The following JAG2 variants were observed in gnomAD, a reference collection of about 807,000 sequenced individuals.
JAG2 encodes jagged canonical Notch ligand 2.
A neutral mutation model predicts 141.7 loss-of-function variants in JAG2; 46 were observed. The observed-to-expected ratio is 0.32, with a 90% confidence interval of 0.26 to 0.42. The LOEUF is 0.42. Ranked by LOEUF, JAG2 falls within the 10% of genes least tolerant of loss-of-function variation. JAG2 has a pLI of 1.00. For missense variants in JAG2, 1,500 were observed against 1,817.5 expected, an observed-to-expected ratio of 0.83 and a Z score of 3.18; for synonymous variants, 862 against 763.5, an observed-to-expected ratio of 1.13 and a Z score of -2.13.
chr14:105,162,544 G>C (rs1888780088), intron 2 of JAG2, among the ~76,000 whole-genome samples: 1 of 151,642 alleles, frequency 6.6e-6, no homozygotes, highest in Non-Finnish European at 1.5e-5. Flanking sequence ...GGCACTGCAT[G>C]GCCCAGCATA....
chr14:105,164,761 G>A (rs1888860365), intron 2 of JAG2, among the ~76,000 whole-genome samples: 1 of 152,130 alleles, frequency 6.6e-6, no homozygotes, highest in Non-Finnish European at 1.5e-5. Context: ...GAGCCGGGCT[G>A]GGGGCACAAG....
chr14:105,159,619 C>G (rs1274242736), intron 2 of JAG2, among the ~76,000 whole-genome samples: 1 of 121,382 alleles, frequency 8.2e-6, no homozygotes, highest in Non-Finnish European at 1.7e-5. Context: ...CCCCAAAGAA[C>G]TCAATCCACA....
rs1243678677 is a variant in JAG2, at chr14:105,155,941, T to G, written c.524A>C (p.Glu175Ala). The G allele has an allele frequency of 6.2e-7, 1 of 1,610,710 alleles. No homozygotes were observed. The highest frequency in any genetic ancestry group is 8.5e-7 in the Non-Finnish European group (1 of 1,179,738). ...GAAGTGCAGGCTCTTCCAGCGGTCC[T>G]CCGGGTTGATCATGCCGGCATGCGA... is the stretch of plus-strand genomic sequence containing the variant. ...RVSHAGMINP[E>A]DRWKSLHFSG... The change falls in exon 4 of 26, where the codon GAG becomes GCG. Residue 175 changes from glutamate to alanine, a missense_variant. Around this residue, in one of 3 missense-constraint regions of JAG2, gnomAD observed 875 missense variants for 1,202.2 expected, o/e 0.73. Coordinates refer to ENST00000331782, the MANE Select transcript of JAG2 (RefSeq NM_002226.5).
At position 105,143,647 on chromosome 14, in the gene JAG2, A is replaced by G. The variant is rs761419223; in HGVS notation, c.3085-9T>C. 3.7e-5 allele frequency: 59 copies of G among 1,606,070 alleles called. 1 individual carries two copies. Among genetic ancestry groups the G allele is most frequent in the Middle Eastern group, 3.7e-4 (2 of 5,450 alleles). On this transcript the variant is annotated splice_polypyrimidine_tract_variant and intron_variant, in intron 24 of 25. Coordinates refer to ENST00000331782, the MANE Select transcript of JAG2 (RefSeq NM_002226.5). ...CTGGCAGGGCTGAAGGACTGCGGCA[A>G]AGAACGGCATTGTGGGGATGGCTCG...
At chr14:105,152,096 C>T (rs587744023) in intron 6 of JAG2, 39 bp from the exon 7 acceptor site, 2 of 1,613,086 alleles carry the variant, frequency 1.2e-6, no homozygotes, top group East Asian at 2.2e-5. Flanking sequence ...AAAAGCCGGC[C>T]CCCCGCTCCC....
intron 3 of JAG2, 108 bp downstream of exon 3, chr14:105,157,598 A>G (rs1888618438): frequency 9.2e-7 from 1 of 1,086,102 alleles, no homozygotes; most frequent in African/African-American, 1.6e-5. Flanking sequence ...AGCACACATG[A>G]TCCTCAGGGT....
Position 105,168,339 on chromosome 14 carries a change from C to T in JAG2, c.66+16G>A. The T allele has an allele frequency of 1.1e-6, 1 of 893,844 alleles. No homozygotes were observed. The highest frequency in any genetic ancestry group is 1.4e-6 in the Non-Finnish European group (1 of 726,418). 55.4% of individuals were successfully genotyped at this position (893,844 alleles called of 1,614,324 possible). On this transcript the variant is annotated intron_variant, in intron 1 of 25. Transcript: ENST00000331782. ...GCCCCGTCCGCGACCCCCGCCGCCC[C>T]CGCCGCCCCGCTCACCTGCACCCAG...
chr14:105,143,942 G>A (rs1024142768), intron 24 of JAG2, among the ~76,000 whole-genome samples: 6 of 149,752 alleles, frequency 4.0e-5, no homozygotes, highest in African/African-American at 9.9e-5. Flanking sequence ...GTCCCCATCC[G>A]GGCGCACGGG....
intron 2 of JAG2, among the ~76,000 whole-genome samples, chr14:105,158,557 C>T (rs1007232824): frequency 6.6e-6 from 1 of 152,144 alleles, no homozygotes; most frequent in Non-Finnish European, 1.5e-5. Flanking sequence ...TGGCCCCCTG[C>T]TCCGCCTAGT....
chr14:105,166,784 G>A (rs1481250978), intron 2 of JAG2, among the ~76,000 whole-genome samples: 1 of 152,186 alleles, frequency 6.6e-6, no homozygotes, highest in African/African-American at 2.4e-5. Context: ...CTGCTGACTG[G>A]AGCCACTTCC....
In JAG2 at chr14:105,168,689, G is replaced by C. The variant is rs1312106640; in HGVS notation, c.-269C>G. 6.5e-6 allele frequency: 1 copy of C among 154,036 alleles called. No homozygotes were observed. Among genetic ancestry groups the C allele is most frequent in the Non-Finnish European group, 1.4e-5 (1 of 70,876 alleles). 9.5% of individuals were successfully genotyped at this position (154,036 alleles called of 1,614,324 possible). Reference sequence around the variant, plus strand: ...GGCCCGGCTCCCACCCGGCGGCGACGGCGGCGGCGGTGAAGGCAGCGGGTC... The same window carrying C: ...GGCCCGGCTCCCACCCGGCGGCGACCGCGGCGGCGGTGAAGGCAGCGGGTC... On this transcript the variant is annotated 5_prime_UTR_variant, in exon 1 of 26. Transcript: ENST00000331782.
In JAG2 at chr14:105,154,422, A is replaced by T. The variant is rs1888522428; in HGVS notation, c.788+1140T>A. On this transcript the variant is annotated intron_variant, in intron 5 of 25. Coordinates refer to ENST00000331782, the MANE Select transcript of JAG2 (RefSeq NM_002226.5). The surrounding 1 kb of genome is among the most constrained non-coding windows in gnomAD (Gnocchi z 4.4). ...GCGCCACGGCTCGAAGCCCGTGCCC[A>T]CCCCAGACCCTGGGCCCCAGCCCCT... is the stretch of plus-strand genomic sequence containing the variant. Among the ~76,000 whole-genome samples, 1 of 150,952 alleles carries T rather than the reference A, an allele frequency of 6.6e-6. No homozygotes were observed. The highest frequency in any genetic ancestry group is 2.4e-5 in the African/African-American group (1 of 40,918).
Position 105,151,090 on chromosome 14 carries a change from C to T in JAG2, c.1282G>A (p.Glu428Lys). Reference sequence around the variant, plus strand: ...AAAGCGTTAAGGCATGGCTTCCCTTCACACTCATTGGCGTCTGTGAAAGAG... The same window carrying T: ...AAAGCGTTAAGGCATGGCTTCCCTTTACACTCATTGGCGTCTGTGAAAGAG... ...ATCQLDANEC[E>K]GKPCLNAFSC... is the part of the protein sequence containing the mutation. Residue 428 changes from glutamate to lysine, a missense_variant, in exon 10 of 26, where the codon GAA (glutamate) becomes AAA (lysine). Transcript: ENST00000331782. 1 of 1,611,894 alleles carries T rather than the reference C, an allele frequency of 6.2e-7. No homozygotes were observed. Among genetic ancestry groups the T allele is most frequent in the Non-Finnish European group, 8.5e-7 (1 of 1,179,330 alleles).
chr14:105,165,719 C>T (rs1888888633), intron 2 of JAG2, among the ~76,000 whole-genome samples: 2 of 152,202 alleles, frequency 1.3e-5, no homozygotes, highest in Admixed American at 1.3e-4. Context: ...AGCCCAGACT[C>T]CCCCACTCCT....
rs890114725 is a variant in JAG2 at position 105,143,615 on chromosome 14, C to G, written c.3108G>C (p.Leu1036=). 1 of 1,608,102 alleles carries G rather than the reference C, an allele frequency of 6.2e-7. No individual in the cohort carries two copies. Among genetic ancestry groups the G allele is most frequent in the African/African-American group, 1.3e-5 (1 of 74,920 alleles). ...CGCCCTGGATCAGGCTGCTGTCAGG[C>G]AGGTCCCTGGCAGGGCTGAAGGACT... The part of the protein sequence containing the change: ...VAVSFSPARD[L]PDSSLIQGAA... Residue 1036 remains leucine, a synonymous_variant, in exon 25 of 26, where the codon CTG becomes CTC. Transcript: ENST00000331782.
chr14:105,164,028 A>G (rs1468469062), intron 2 of JAG2, among the ~76,000 whole-genome samples: 2 of 152,032 alleles, frequency 1.3e-5, no homozygotes, highest in African/African-American at 4.8e-5. Context: ...TAAAGACACC[A>G]TGGAGCAGCC....
In JAG2 at chr14:105,145,198, TG is replaced by T. The variant is rs587739127; in HGVS notation, c.2953-138del. ...GAGCACAGCAAGGATGCCAAGGGCC[TG>T]GGGGGGCAGCTTCCCACCCGGCTGT... On this transcript the variant is annotated intron_variant, in intron 23 of 25. Coordinates refer to ENST00000331782, the MANE Select transcript of JAG2 (RefSeq NM_002226.5). 2.8e-5 allele frequency: 34 copies of T among 1,230,284 alleles called. No homozygotes were observed. The Middle Eastern group carries it at 1.1e-3, about 39-fold the overall frequency. The allele number at this position is 1,230,284 out of a possible 1,614,324, so 76.2% of individuals were successfully genotyped here. A position where few individuals can be genotyped will look rare whatever the true frequency, so the allele number is the denominator to read the frequency against.
intron 2 of JAG2, among the ~76,000 whole-genome samples, chr14:105,166,678 A>T (rs1218079007): frequency 6.6e-6 from 1 of 152,174 alleles, no homozygotes; most frequent in African/African-American, 2.4e-5. Context: ...GGAGCCACAC[A>T]CGGCAGGCCC....
rs1214333105 is a variant in JAG2 at position 105,167,919 on chromosome 14, C to T, written c.255G>A (p.Thr85=). ...LKEYQAKVTP[T]GPCSYGHGAT... ...CGCCGTGGCCGTAGCTGCAGGGCCC[C>T]GTGGGCGTCACCTTGGCCTGGTACT... The change falls in exon 2 of 26, where the codon ACG becomes ACA. Residue 85 remains threonine, a synonymous_variant. Coordinates refer to ENST00000331782, the MANE Select transcript of JAG2 (RefSeq NM_002226.5). This position sits in a 1 kb window ranked among gnomAD's most constrained non-coding sequence, Gnocchi z 4.8. The T allele has an allele frequency of 1.9e-6, 3 of 1,597,804 alleles. No individual in the cohort carries two copies. The highest frequency in any genetic ancestry group is 3.4e-5 in the Admixed American group (2 of 59,210).
Sources: gnomAD v4.1 joint callset for allele counts (sites outside exome capture counted in the v4.1 genomes callset) on GRCh38, gnomAD v4.1.1 for gene constraint, gnomAD v4.1.1 regional missense constraint, Gnocchi (gnomAD v3.1) non-coding constraint, MANE v1.5 for transcripts, NCBI Gene and HGNC (gene_info 2026-07-23, HGNC 2026-07-21) for gene names.